The following NUP85 variants were observed in gnomAD, a reference collection of about 807,000 sequenced individuals.
NUP85 encodes the protein nuclear pore complex protein Nup85.
A neutral mutation model predicts 92.8 loss-of-function variants in NUP85; 23 were observed. The ratio of observed to expected loss-of-function variants is 0.25; its 90% CI spans 0.18 to 0.35. The LOEUF is 0.35. Ranked by LOEUF, NUP85 falls within the 10% of genes least tolerant of loss-of-function variation. The probability of loss-of-function intolerance (pLI) is 1.00; values close to 1 mark genes in which losing one functional copy is unlikely to be tolerated. For missense variants in NUP85, 759 were observed against 822.8 expected (o/e 0.92, Z 0.95); for synonymous variants, 314 against 306.9 (o/e 1.02, Z -0.24).
intron 14 of NUP85, 77 bp downstream of exon 14, chr17:75,232,056 A>C (rs1019274040): frequency 6.8e-5 from 102 of 1,491,078 alleles, no homozygotes; most frequent in East Asian, 3.6e-4. Flanking sequence ...CTTTATGCCT[A>C]CCCCAGCCAT....
At position 75,235,564 on chromosome 17, in the gene NUP85, T is replaced by G. The variant is rs199771904; in HGVS notation, c.1870-14T>G. The G allele has an allele frequency of 4.7e-5, 76 of 1,602,682 alleles. 1 individual carries two copies. The highest frequency in any genetic ancestry group is 3.9e-4 in the South Asian group (35 of 90,802). On this transcript the variant is annotated splice_polypyrimidine_tract_variant and intron_variant, in intron 18 of 18. Transcript: ENST00000245544. ...TCCTGCTCTTAGCTCATGCTGGCGCTCTCTGCTTTGCAGGATGATGACATA... is the reference window on the plus strand; with the variant it reads ...TCCTGCTCTTAGCTCATGCTGGCGCGCTCTGCTTTGCAGGATGATGACATA...
intron 1 of NUP85, among the ~76,000 whole-genome samples, chr17:75,206,638 G>C (rs1369017348): frequency 6.6e-6 from 1 of 152,136 alleles, no homozygotes; most frequent in Non-Finnish European, 1.5e-5. Flanking sequence ...TGTGAAAAGA[G>C]GGAGCAGAGG....
chr17:75,226,386 A>G (rs1158327524), intron 11 of NUP85, among the ~76,000 whole-genome samples: 2 of 152,114 alleles, frequency 1.3e-5, no homozygotes, highest in African/African-American at 4.8e-5. Context: ...GGCACTGGCA[A>G]TGTTGCTGGT....
intron 1 of NUP85, among the ~76,000 whole-genome samples, chr17:75,206,507 A>G (rs1384865853): frequency 6.6e-6 from 1 of 152,074 alleles, no homozygotes; most frequent in Non-Finnish European, 1.5e-5. Flanking sequence ...TTTTGGGAAC[A>G]TCACTAGTTA....
At chr17:75,207,400 G>A (rs1392988760) in intron 1 of NUP85, among the ~76,000 whole-genome samples, 1 of 151,844 alleles carries the variant, frequency 6.6e-6, no homozygotes, top group African/African-American at 2.4e-5. Context: ...GGTCAGGCTG[G>A]TCTGGAACTC....
Position 75,215,731 on chromosome 17 carries a change from ACCTGTCC to A in NUP85, c.406-20_406-14del, listed in dbSNP as rs2145300433. ...AAGCTCAGGAATCATTTCAGGTGAA[ACCTGTCC>A]CCATTTCTTCCTTAGGTCTCCATTT... On this transcript the variant is annotated splice_polypyrimidine_tract_variant and intron_variant, in intron 5 of 18. Coordinates refer to ENST00000245544, the MANE Select transcript of NUP85 (RefSeq NM_024844.5). 1.2e-6 allele frequency: 2 copies of A among 1,610,392 alleles called. No homozygotes were observed.
In NUP85 at chr17:75,232,539, GACACGTAGGGAGAA is replaced by G. The variant is rs1051225851; in HGVS notation, c.1397-296_1397-283del. On this transcript the variant is annotated intron_variant, in intron 14 of 18. Transcript: ENST00000245544. The stretch of plus-strand genomic sequence containing the variant: ...CATCTGGAGAGGTAATAGAAGAGCT[GACACGTAGGGAGAA>G]ACACGTAGGGAGAAAAAAAATAGAA... 3.9e-4 allele frequency among the ~76,000 whole-genome samples: 59 copies of G among 152,170 alleles called. 1 individual carries two copies. Among genetic ancestry groups the G allele is most frequent in the Admixed American group, 3.3e-4 (5 of 15,276 alleles).
intron 4 of NUP85, among the ~76,000 whole-genome samples, chr17:75,212,780 CA>C (rs1377995571): frequency 2.0e-5 from 3 of 152,024 alleles, no homozygotes; most frequent in Non-Finnish European, 2.9e-5. Flanking sequence ...ATCAGCCTCC[CA>C]AAGTGTCGGG....
chr17:75,216,850 C>T (rs983040630), intron 6 of NUP85, among the ~76,000 whole-genome samples: 4 of 152,134 alleles, frequency 2.6e-5, no homozygotes, highest in South Asian at 2.1e-4. Context: ...ATCATGGATA[C>T]GGAGTGCTGG....
At chr17:75,212,459 T>A in intron 4 of NUP85, among the ~76,000 whole-genome samples, 1 of 123,166 alleles carries the variant, frequency 8.1e-6, no homozygotes, top group African/African-American at 3.0e-5. Flanking sequence ...AGTCAGCCAC[T>A]GTGCCTGGAG....
intron 10 of NUP85, 51 bp from the exon 11 acceptor site, chr17:75,226,000 C>G (rs754150593): frequency 6.2e-7 from 1 of 1,607,782 alleles, no homozygotes; most frequent in Non-Finnish European, 8.5e-7. Context: ...CTGCCTGCCC[C>G]GAGTCTCTGC....
In NUP85 at chr17:75,231,295, C is replaced by G. The variant is rs543455821; in HGVS notation, c.1095-45C>G. On this transcript the variant is annotated intron_variant, in intron 11 of 18. Transcript: ENST00000245544. This position sits in a 1 kb window ranked among gnomAD's most constrained non-coding sequence, Gnocchi z 4.6. ...TCACCCCCACTCTTGTGGGACGCGG[C>G]CTGTGCCCTGATTTTCCTTCTTGCC... The G allele has an allele frequency of 1.3e-6, 2 of 1,596,202 alleles. No homozygotes were observed. Among genetic ancestry groups the G allele is most frequent in the Non-Finnish European group, 8.6e-7 (1 of 1,163,862 alleles).
At chr17:75,233,512 C>T (rs183806173) in intron 16 of NUP85, among the ~76,000 whole-genome samples, 145 of 141,728 alleles carry the variant, frequency 1.0e-3, no homozygotes, top group South Asian at 4.4e-3. Context: ...ACCTCCACCT[C>T]CTGACTTCAA....
At chr17:75,229,002 C>T (rs1166405924) in intron 11 of NUP85, 1 of 985,364 alleles carries the variant, frequency 1.0e-6, no homozygotes, top group African/African-American at 1.7e-5. Flanking sequence ...TTACAGCTTC[C>T]TCTGAAGACG....
intron 4 of NUP85, 25 bp downstream of exon 4, chr17:75,212,087 CGTGT>C (rs555503834): frequency 1.9e-4 from 227 of 1,203,120 alleles, no homozygotes; most frequent in African/African-American, 1.7e-3. Context: ...CGCGTGCGCG[CGTGT>C]GTGTGTGTGT....
rs2075204394 is a variant in NUP85 at position 75,209,862 on chromosome 17, T to C, written c.167T>C (p.Ile56Thr). Residue 56 changes from isoleucine (I) to threonine (T), a missense_variant, in exon 3 of 19, where the codon ATC becomes ACC. Ile to Thr is a moderately conservative substitution (Grantham distance 89). Coordinates refer to ENST00000245544, the MANE Select transcript of NUP85 (RefSeq NM_024844.5). ...EMVPSCPFIY[I>T]IRKDVDVYSQ... is the part of the protein sequence containing the mutation. ...GTGCCAAGTTGCCCCTTTATCTATA[T>C]CATCCGTAAGGATGTAGATGTTTAC... The C allele has an allele frequency of 3.2e-6, 5 of 1,578,716 alleles. No individual in the cohort carries two copies. In the East Asian group the frequency reaches 1.2e-4, roughly 37 times the overall value.
chr17:75,232,109 G>A (rs2076085463), intron 14 of NUP85, 130 bp downstream of exon 14: 5 of 917,634 alleles, frequency 5.4e-6, no homozygotes, highest in Non-Finnish European at 8.1e-6. Flanking sequence ...GGCTGTGGAC[G>A]CCAAGAGGTA....
chr17:75,235,113 C>T lies in NUP85; in HGVS notation c.1781C>T (p.Ala594Val), dbSNP rs745324153. 12 of 1,613,828 alleles carry T rather than the reference C, an allele frequency of 7.4e-6. No individual in the cohort carries two copies. The highest frequency in any genetic ancestry group is 1.0e-5 in the Non-Finnish European group (12 of 1,179,766). Residue 594 changes from alanine (A) to valine (V), a missense_variant, in exon 18 of 19, where the codon GCA (alanine) becomes GTA (valine). Ala to Val is a moderately conservative substitution (Grantham distance 64). Transcript: ENST00000245544. The part of the protein sequence containing the change: ...LLEQKQVIFS[A>V]EQTYELMRCL... Reference sequence around the variant, plus strand: ...TCTCTTCCCTAGGTGATTTTCTCAGCAGAACAGACTTATGAGTTGATGCGG... The same window carrying T: ...TCTCTTCCCTAGGTGATTTTCTCAGTAGAACAGACTTATGAGTTGATGCGG...
At position 75,235,621 on chromosome 17, in the gene NUP85, C is replaced by G. The variant is rs776877734; in HGVS notation, c.1913C>G (p.Ser638Cys). 6.2e-7 allele frequency: 1 copy of G among 1,614,138 alleles called. No individual in the cohort carries two copies. Among genetic ancestry groups the G allele is most frequent in the African/African-American group, 1.3e-5 (1 of 75,056 alleles). Residue 638 changes from serine to cysteine, a missense_variant, in exon 19 of 19, where the codon TCT becomes TGT. Transcript: ENST00000245544. ...ETTKVEMLRL[S>C]LARNLARAII... is the part of the protein sequence containing the mutation. ...ACCAAGGTGGAAATGCTGAGACTTT[C>G]TCTGGCACGAAATCTTGCTCGGGCA...
Sources: gnomAD v4.1 joint callset for allele counts (sites outside exome capture counted in the v4.1 genomes callset) on GRCh38, gnomAD v4.1.1 for gene constraint, Gnocchi (gnomAD v3.1) non-coding constraint, MANE v1.5 for transcripts, NCBI Gene and HGNC (gene_info 2026-07-23, HGNC 2026-07-21) for gene names.